The following PPIG variants were observed in gnomAD, a reference collection of about 807,000 sequenced individuals.
PPIG encodes peptidylprolyl isomerase G.
PPIG carries 26 observed loss-of-function variants against 87.9 expected under a neutral mutation model. The ratio of observed to expected loss-of-function variants is 0.30; its 90% CI spans 0.22 to 0.41. PPIG has a LOEUF of 0.41. PPIG is among the 10% of genes least tolerant of loss of function. The pLI is 1.00. For missense variants in PPIG, 722 were observed against 879.4 expected, an observed-to-expected ratio of 0.82 and a Z score of 2.26; for synonymous variants, 308 against 276.5, an observed-to-expected ratio of 1.11 and a Z score of -1.13.
At chr2:169,606,606 A>AAAAAAAAAAAAG (rs1427437886) in intron 5 of PPIG, among the ~76,000 whole-genome samples, 2 of 151,124 alleles carry the variant, frequency 1.3e-5, no homozygotes, top group Admixed American at 6.6e-5. Context: ...AAAAAAAAAA[A>AAAAAAAAAAAAG]AAGAAGGAAG....
chr2:169,594,337 A>AAG (rs5836237), intron 1 of PPIG, among the ~76,000 whole-genome samples: 1 of 151,084 alleles, frequency 6.6e-6, no homozygotes, highest in African/African-American at 2.4e-5. Context: ...AAAAAAAAAA[A>AAG]CGCATTTTAT....
intron 9 of PPIG, among the ~76,000 whole-genome samples, chr2:169,626,733 G>A (rs572013871): frequency 2.0e-4 from 31 of 151,888 alleles, no homozygotes; most frequent in African/African-American, 7.5e-4. Context: ...AAATCAGGAC[G>A]GAGTCTCACT....
At chr2:169,627,725 T>TTTTTTTTTTA (rs1491338209) in intron 9 of PPIG, among the ~76,000 whole-genome samples, 1 of 142,942 alleles carries the variant, frequency 7.0e-6, no homozygotes. Flanking sequence ...TTTTTTTTTT[T>TTTTTTTTTTA]AATTTCAAAC....
intron 1 of PPIG, among the ~76,000 whole-genome samples, chr2:169,594,324 C>A (rs201358282): frequency 8.8e-3 from 1,230 of 139,578 alleles, no homozygotes; most frequent in Admixed American, 0.011. Context: ...TGTTGATAGG[C>A]AAAAAAAAAA....
rs569579093 is a variant in PPIG at position 169,607,322 on chromosome 2, T to C, written c.289+174T>C. Among the ~76,000 whole-genome samples, 4 of 152,264 alleles carry C rather than the reference T, an allele frequency of 2.6e-5. No individual in the cohort carries two copies. In the South Asian group the frequency reaches 8.3e-4, roughly 32 times the overall value. On this transcript the variant is annotated intron_variant, in intron 6 of 13. Transcript: ENST00000260970. ...AAATTGCTTTTTATACAGATGGGTA[T>C]TTTTTCTTCTTAGGACATTTTTACA... is the stretch of plus-strand genomic sequence containing the variant.
At chr2:169,589,800 G>A (rs546165616) in intron 1 of PPIG, among the ~76,000 whole-genome samples, 1 of 152,214 alleles carries the variant, frequency 6.6e-6, no homozygotes, top group East Asian at 1.9e-4. Context: ...ATATATGTTA[G>A]CAGTATCCCC....
intron 11 of PPIG, among the ~76,000 whole-genome samples, chr2:169,632,546 C>T (rs1282733239): frequency 2.7e-5 from 4 of 150,914 alleles, no homozygotes; most frequent in African/African-American, 9.8e-5. Flanking sequence ...TGGAGACCAT[C>T]CTGGCTAACA....
At chr2:169,592,755 C>G (rs537748598) in intron 1 of PPIG, among the ~76,000 whole-genome samples, 3 of 151,830 alleles carry the variant, frequency 2.0e-5, no homozygotes, top group African/African-American at 7.3e-5. Flanking sequence ...ATTTAATAAT[C>G]GAGGAAATCA....
intron 4 of PPIG, among the ~76,000 whole-genome samples, chr2:169,605,656 G>A (rs1182326249): frequency 4.6e-5 from 7 of 151,348 alleles, no homozygotes; most frequent in East Asian, 2.0e-4. Flanking sequence ...AAAATTAGCC[G>A]GGTGTGGTGA....
rs1400539498 is a variant in PPIG, at chr2:169,637,434, A to C, written c.2176A>C (p.Lys726Gln). The C allele has an allele frequency of 6.2e-7, 1 of 1,612,456 alleles. No individual in the cohort carries two copies. ...SSVEKENQKS[K>Q]GQENDHVHEK... is the part of the protein sequence containing the mutation. ...AGTGGAAAAAGAAAACCAAAAATCA[A>C]AAGGTCAAGAAAATGACCATGTACA... Residue 726 changes from lysine (K) to glutamine (Q), a missense_variant, in exon 14 of 14, where the codon AAA (lysine) becomes CAA (glutamine). Lys to Gln is a moderately conservative substitution (Grantham distance 53). Transcript: ENST00000260970.
intron 7 of PPIG, among the ~76,000 whole-genome samples, chr2:169,612,628 C>T (rs915664134): frequency 7.2e-5 from 11 of 152,116 alleles, no homozygotes; most frequent in Admixed American, 2.6e-4. Context: ...ATGATCCACC[C>T]GCCTTGGCCT....
intron 12 of PPIG, among the ~76,000 whole-genome samples, chr2:169,635,473 A>G (rs1471171192): frequency 6.6e-6 from 1 of 152,144 alleles, no homozygotes; most frequent in African/African-American, 2.4e-5. Context: ...AGCTGCATAT[A>G]TGTTTAACAT....
chr2:169,634,103 C>T (rs1350610747), intron 12 of PPIG, among the ~76,000 whole-genome samples: 1 of 152,096 alleles, frequency 6.6e-6, no homozygotes. Flanking sequence ...CATTTTCACC[C>T]AGGCTGGAGT....
At chr2:169,599,997 A>T (rs1015197264) in intron 1 of PPIG, among the ~76,000 whole-genome samples, 1 of 151,976 alleles carries the variant, frequency 6.6e-6, no homozygotes, top group African/African-American at 2.4e-5. Flanking sequence ...TTTCATATCC[A>T]GGGTTCAGGT....
At chr2:169,625,621 T>C (rs1005534976) in intron 9 of PPIG, among the ~76,000 whole-genome samples, 4 of 152,204 alleles carry the variant, frequency 2.6e-5, no homozygotes, top group African/African-American at 9.6e-5. Context: ...ATGAACCGAT[T>C]GTTGATTCCT....
intron 4 of PPIG, among the ~76,000 whole-genome samples, chr2:169,604,705 C>G (rs1425175264): frequency 6.6e-6 from 1 of 150,752 alleles, no homozygotes; most frequent in Non-Finnish European, 1.5e-5. Flanking sequence ...GAAACCCCAT[C>G]TCTACTAAAA....
intron 13 of PPIG, 70 bp downstream of exon 13, chr2:169,636,298 T>C: frequency 6.7e-7 from 1 of 1,498,820 alleles, no homozygotes; most frequent in East Asian, 2.3e-5. Flanking sequence ...CATAAAGTTA[T>C]TGTCATTTTA....
At chr2:169,620,005 A>C (rs182441508) in intron 9 of PPIG, among the ~76,000 whole-genome samples, 2 of 152,122 alleles carry the variant, frequency 1.3e-5, no homozygotes, top group African/African-American at 4.8e-5. Flanking sequence ...ATGGTTTGCA[A>C]ATATTTTCTC....
chr2:169,601,330 T>C (rs1559177584), intron 1 of PPIG, among the ~76,000 whole-genome samples: 1 of 152,232 alleles, frequency 6.6e-6, no homozygotes, highest in Non-Finnish European at 1.5e-5. Flanking sequence ...TCTTGTCATA[T>C]GCCAAGCACT....
Sources: allele counts gnomAD v4.1 joint callset (sites outside exome capture counted in the v4.1 genomes callset), GRCh38; gene constraint gnomAD v4.1.1; transcripts MANE v1.5; gene names NCBI Gene and HGNC (gene_info 2026-07-23, HGNC 2026-07-21).